Variants in ZBTB20 observed in about 807,000 individuals in gnomAD.
The protein encoded by ZBTB20 is zinc finger and BTB domain-containing protein 20.
A neutral mutation model predicts 56.9 loss-of-function variants in ZBTB20; 9 were observed. That is an observed-to-expected ratio of 0.16 (90% confidence interval 0.10 to 0.28). The LOEUF is 0.28. Ranked by LOEUF, ZBTB20 falls within the 10% of genes least tolerant of loss-of-function variation. The pLI is 1.00. For missense variants in ZBTB20, 655 were observed against 1,003.0 expected, an observed-to-expected ratio of 0.65 and a Z score of 4.69; for synonymous variants, 417 against 420.7, an observed-to-expected ratio of 0.99 and a Z score of 0.11.
chr3:114,776,600 T>A (rs546066992), intron 5 of ZBTB20, among the ~76,000 whole-genome samples: 98 of 152,336 alleles, frequency 6.4e-4, no homozygotes, highest in Admixed American at 1.8e-3. Flanking sequence ...TGTGAGAGAA[T>A]AGATTTCTGA....
rs79794556 is a variant in ZBTB20 at position 114,653,556 on chromosome 3, C to T, written c.-295+39972G>A. On this transcript the variant is annotated intron_variant, in intron 6 of 11. Coordinates refer to ENST00000675478, the MANE Select transcript of ZBTB20 (RefSeq NM_001348800.3). ...TTGTTAAAGATTATTGTGCCTAGAACCATGAGGAATATTGGCCTATACTTT... is the reference window on the plus strand; with the variant it reads ...TTGTTAAAGATTATTGTGCCTAGAATCATGAGGAATATTGGCCTATACTTT... Among the ~76,000 whole-genome samples, 806 of 152,028 alleles carry T rather than the reference C, an allele frequency of 5.3e-3. 4 individuals are homozygous for T. The highest frequency in any genetic ancestry group is 9.8e-3 in the Admixed American group (149 of 15,262).
chr3:114,935,113 T>C (rs900992829), intron 3 of ZBTB20, among the ~76,000 whole-genome samples: 8 of 152,204 alleles, frequency 5.3e-5, no homozygotes, highest in Admixed American at 5.2e-4. Context: ...CCCTACTACC[T>C]AGTCCTAGAA....
At chr3:114,706,429 G>A (rs2063721575) in intron 5 of ZBTB20, among the ~76,000 whole-genome samples, 1 of 152,020 alleles carries the variant, frequency 6.6e-6, no homozygotes, top group Non-Finnish European at 1.5e-5. Context: ...AAACTTTTTG[G>A]TGATCACATG....
At chr3:114,933,717 T>C (rs2076435726) in intron 3 of ZBTB20, among the ~76,000 whole-genome samples, 1 of 152,220 alleles carries the variant, frequency 6.6e-6, no homozygotes, top group African/African-American at 2.4e-5. Context: ...TCACAGATTA[T>C]AACCACTACA....
At position 114,666,424 on chromosome 3, in the gene ZBTB20, T is replaced by C. The variant is rs1009691630; in HGVS notation, c.-295+27104A>G. ...TACAAGTTTGCCTATTTCCTCTGAA[T>C]ACAGTTAATTCACCTGGCAACAAAG... On this transcript the variant is annotated intron_variant, in intron 6 of 11. Transcript: ENST00000675478. 5.9e-5 allele frequency among the ~76,000 whole-genome samples: 9 copies of C among 152,190 alleles called. No individual in the cohort carries two copies. The South Asian group carries it at 1.9e-3, about 31-fold the overall frequency.
intron 2 of ZBTB20, among the ~76,000 whole-genome samples, chr3:114,993,874 A>G (rs552114758): frequency 1.0e-3 from 154 of 151,900 alleles, no homozygotes; most frequent in Middle Eastern, 3.4e-3. Context: ...AGAATAATCC[A>G]TGTAAAAGAG....
rs138096696 is a variant in ZBTB20, at chr3:114,923,235, G to A, written c.-455-22893C>T. ...AATAGACAAAACAATCCTGAAATTT[G>A]TTTGGAACCACAAAAGATCACAGAT... On this transcript the variant is annotated intron_variant, in intron 3 of 11. Coordinates refer to ENST00000675478, the MANE Select transcript of ZBTB20 (RefSeq NM_001348800.3). 1.9e-3 allele frequency among the ~76,000 whole-genome samples: 290 copies of A among 152,238 alleles called. 1 individual carries two copies. Among genetic ancestry groups the A allele is most frequent in the African/African-American group, 6.2e-3 (259 of 41,550 alleles).
rs1026737895 is a variant in ZBTB20, at chr3:114,801,088, A to C, written c.-343+13T>G. On this transcript the variant is annotated intron_variant, in intron 5 of 11. Transcript: ENST00000675478. The stretch of plus-strand genomic sequence containing the variant: ...CAGAAACACAGAAGAAGGTACAGAA[A>C]GCTTTGACTTACAGGAATACAGTGC... 6.6e-6 allele frequency: 1 copy of C among 152,180 alleles called. No individual in the cohort carries two copies. The highest frequency in any genetic ancestry group is 2.4e-5 in the African/African-American group (1 of 41,388). The allele number at this position is 152,180 out of a possible 1,614,324, so 9.4% of individuals were successfully genotyped here.
At chr3:114,934,555 TC>T in intron 3 of ZBTB20, among the ~76,000 whole-genome samples, 1 of 152,292 alleles carries the variant, frequency 6.6e-6, no homozygotes, top group African/African-American at 2.4e-5. Flanking sequence ...TCATCTCTTT[TC>T]CTTAAGTTAC....
intron 3 of ZBTB20, among the ~76,000 whole-genome samples, chr3:114,900,949 CTT>C (rs1273039260): frequency 2.0e-5 from 3 of 152,192 alleles, no homozygotes; most frequent in Admixed American, 1.3e-4. Context: ...ACTCAACACA[CTT>C]TGACAAAACT....
At chr3:114,493,445 T>G (rs2042953364) in intron 7 of ZBTB20, among the ~76,000 whole-genome samples, 1 of 152,226 alleles carries the variant, frequency 6.6e-6, no homozygotes, top group Admixed American at 6.5e-5. Context: ...ACAGTCCTTC[T>G]TAAGTTTGCT....
At chr3:114,939,416 A>G (rs1008998468) in intron 3 of ZBTB20, among the ~76,000 whole-genome samples, 1 of 146,480 alleles carries the variant, frequency 6.8e-6, no homozygotes, top group Non-Finnish European at 1.5e-5. Flanking sequence ...GAAAATAGAG[A>G]TAAAATATGG....
At chr3:114,378,557 A>G (rs1007106201) in intron 10 of ZBTB20, among the ~76,000 whole-genome samples, 22 of 152,364 alleles carry the variant, frequency 1.4e-4, no homozygotes, top group South Asian at 2.1e-4. Flanking sequence ...GTGAAGCCCA[A>G]TGCTTTTTCT....
chr3:114,695,759 G>A (rs2062969432), intron 5 of ZBTB20, among the ~76,000 whole-genome samples: 1 of 151,808 alleles, frequency 6.6e-6, no homozygotes. Context: ...CACTTTACAT[G>A]GTGCAAATGT....
chr3:114,413,075 G>A (rs2108777905), intron 7 of ZBTB20, among the ~76,000 whole-genome samples: 1 of 152,050 alleles, frequency 6.6e-6, no homozygotes, highest in Middle Eastern at 3.4e-3. Context: ...GCAACTCATG[G>A]GTGGGATACT....
intron 1 of ZBTB20, among the ~76,000 whole-genome samples, chr3:115,133,360 T>G (rs1178138171): frequency 6.6e-6 from 1 of 152,230 alleles, no homozygotes; most frequent in Non-Finnish European, 1.5e-5. Context: ...TCATTCTTTT[T>G]CCTAAAGCTT....
At chr3:114,766,691 C>G (rs1351857933) in intron 5 of ZBTB20, among the ~76,000 whole-genome samples, 2 of 151,838 alleles carry the variant, frequency 1.3e-5, no homozygotes, top group Non-Finnish European at 1.5e-5. Context: ...AAAATTCTAC[C>G]CCTACTAATT....
chr3:114,685,425 A>C (rs1014089793), intron 6 of ZBTB20, among the ~76,000 whole-genome samples: 2 of 152,226 alleles, frequency 1.3e-5, no homozygotes, highest in Non-Finnish European at 2.9e-5. Context: ...TCAGGACAAC[A>C]ATCAGTGAGC....
intron 6 of ZBTB20, among the ~76,000 whole-genome samples, chr3:114,536,272 T>C (rs1365480863): frequency 6.6e-6 from 1 of 152,198 alleles, no homozygotes; most frequent in Non-Finnish European, 1.5e-5. Context: ...AAAATCTCCT[T>C]AAGCTGATAA....
Sources: gnomAD v4.1 joint callset for allele counts (sites outside exome capture counted in the v4.1 genomes callset) on GRCh38, gnomAD v4.1.1 for gene constraint, MANE v1.5 for transcripts, NCBI Gene and HGNC (gene_info 2026-07-23, HGNC 2026-07-21) for gene names.